The following GALK2 variants were observed in gnomAD, a reference collection of about 807,000 sequenced individuals.
GALK2 encodes N-acetylgalactosamine kinase.
Under a neutral mutation model 52.4 loss-of-function variants are expected in GALK2, and 36 were observed. That is an observed-to-expected ratio of 0.69 (90% CI 0.53 to 0.91). The LOEUF is 0.91. Among genes scored for constraint, GALK2 ranks in the 40% least tolerant of loss-of-function variants. The pLI, the probability that GALK2 is intolerant of heterozygous loss-of-function variation, is 0.00. For synonymous variants in GALK2, 176 were observed against 199.1 expected (o/e 0.88, Z 0.98); for missense variants, 579 against 559.1 (o/e 1.04, Z -0.36).
chr15:49,196,530 T>C (rs1463895480), intron 1 of GALK2, among the ~76,000 whole-genome samples: 1 of 152,216 alleles, frequency 6.6e-6, no homozygotes. Flanking sequence ...TAACCAAATA[T>C]ATGATCAGTA....
chr15:49,364,511 GA>G (rs1352013989), intron 3 of GALK2, among the ~76,000 whole-genome samples: 3 of 151,926 alleles, frequency 2.0e-5, no homozygotes, highest in Admixed American at 6.6e-5. Context: ...CTCTACAGCT[GA>G]AAAAATGTTC....
At chr15:49,345,627 A>G (rs1159169886) in intron 3 of GALK2, among the ~76,000 whole-genome samples, 1 of 152,152 alleles carries the variant, frequency 6.6e-6, no homozygotes, top group Non-Finnish European at 1.5e-5. Context: ...TTGGCCTCAT[A>G]CTTTATATTC....
chr15:49,186,054 G>A (rs1306035668), intron 1 of GALK2, among the ~76,000 whole-genome samples: 1 of 151,846 alleles, frequency 6.6e-6, no homozygotes, highest in Non-Finnish European at 1.5e-5. Context: ...TTGACCTTTG[G>A]GAGTTTGATT....
chr15:49,237,631 C>A (rs771913572), intron 4 of GALK2, among the ~76,000 whole-genome samples: 2 of 151,920 alleles, frequency 1.3e-5, no homozygotes, highest in Non-Finnish European at 2.9e-5. Flanking sequence ...TGCCTGCCAC[C>A]GCGCCTGGCT....
At chr15:49,196,783 G>T (rs543452152) in intron 1 of GALK2, among the ~76,000 whole-genome samples, 2 of 152,080 alleles carry the variant, frequency 1.3e-5, no homozygotes, top group East Asian at 1.9e-4. Context: ...TTTCATTTGG[G>T]ATATTTCTTA....
intron 1 of GALK2, among the ~76,000 whole-genome samples, chr15:49,184,278 A>G (rs2086189400): frequency 6.6e-6 from 1 of 151,948 alleles, no homozygotes; most frequent in African/African-American, 2.4e-5. Context: ...GTGTGATATA[A>G]GTATAGCTAC....
At chr15:49,177,172 A>C (rs944494783) in intron 1 of GALK2, among the ~76,000 whole-genome samples, 10 of 151,812 alleles carry the variant, frequency 6.6e-5, no homozygotes, top group Admixed American at 5.9e-4. Context: ...TAATTTTTTT[A>C]TCCAATCTGC....
intron 3 of GALK2, among the ~76,000 whole-genome samples, chr15:49,364,610 T>C (rs930936703): frequency 2.6e-5 from 4 of 152,178 alleles, no homozygotes; most frequent in African/African-American, 9.7e-5. Context: ...TACAAAAATA[T>C]GCACTTACAT....
chr15:49,365,851 A>T, intron 3 of GALK2: 1 of 896,360 alleles, frequency 1.1e-6, no homozygotes, highest in Admixed American at 1.7e-5. Context: ...GCGACACTCA[A>T]TTGTGCATTG....
intron 4 of GALK2, among the ~76,000 whole-genome samples, chr15:49,238,453 C>G (rs1163571565): frequency 6.6e-6 from 1 of 152,184 alleles, no homozygotes; most frequent in African/African-American, 2.4e-5. Flanking sequence ...ATTTGACTAT[C>G]TTTAAAGCTA....
intron 5 of GALK2, among the ~76,000 whole-genome samples, chr15:49,257,929 A>G (rs1257838578): frequency 6.7e-6 from 1 of 149,634 alleles, no homozygotes; most frequent in East Asian, 1.9e-4. Context: ...GTAATAAAAT[A>G]ACATTTTATT....
chr15:49,218,564 T>C (rs549974585), intron 3 of GALK2, among the ~76,000 whole-genome samples: 2 of 152,272 alleles, frequency 1.3e-5, no homozygotes, highest in East Asian at 1.9e-4. Context: ...TCAAGACATA[T>C]AGTCCCTGCT....
intron 1 of GALK2, among the ~76,000 whole-genome samples, chr15:49,186,682 G>T (rs921733660): frequency 6.6e-6 from 1 of 151,958 alleles, no homozygotes; most frequent in Non-Finnish European, 1.5e-5. Context: ...GGGACTACAG[G>T]TGTGCACTAC....
intron 1 of GALK2, among the ~76,000 whole-genome samples, chr15:49,187,258 C>A (rs1026606701): frequency 1.3e-5 from 2 of 152,160 alleles, no homozygotes; most frequent in Non-Finnish European, 2.9e-5. Context: ...CAGGCAGAGT[C>A]TTTAAATCTT....
intron 8 of GALK2, among the ~76,000 whole-genome samples, chr15:49,314,755 G>A (rs1229146106): frequency 6.6e-6 from 1 of 152,242 alleles, no homozygotes; most frequent in African/African-American, 2.4e-5. Flanking sequence ...GATGGTGATA[G>A]GTGTTGGGAG....
intron 1 of GALK2, among the ~76,000 whole-genome samples, chr15:49,175,769 G>A (rs760167898): frequency 6.6e-6 from 1 of 152,078 alleles, no homozygotes; most frequent in Non-Finnish European, 1.5e-5. Context: ...CCACACCCTG[G>A]GCCTGGTAGT....
At chr15:49,185,893 AT>A (rs1208422159) in intron 1 of GALK2, among the ~76,000 whole-genome samples, 4 of 151,938 alleles carry the variant, frequency 2.6e-5, no homozygotes, top group Non-Finnish European at 2.9e-5. Context: ...TAGGGTAAAC[AT>A]TTTTTTCTTT....
At chr15:49,158,395 T>C (rs192603677) in intron 1 of GALK2, among the ~76,000 whole-genome samples, 1 of 152,344 alleles carries the variant, frequency 6.6e-6, no homozygotes, top group East Asian at 1.9e-4. Flanking sequence ...TATTTTTAGT[T>C]CAGTACAATA....
downstream of GALK2, chr15:49,334,199 A>C (rs2039300603): frequency 3.4e-5 from 33 of 964,528 alleles, no homozygotes; most frequent in Non-Finnish European, 3.9e-5. Flanking sequence ...AGCACTACCA[A>C]GCTGAATAAG....
Sources: gnomAD v4.1 joint callset for allele counts (sites outside exome capture counted in the v4.1 genomes callset) on GRCh38, gnomAD v4.1.1 for gene constraint, MANE v1.5 for transcripts, NCBI Gene and HGNC (gene_info 2026-07-23, HGNC 2026-07-21) for gene names.